Variants in SPATA22 observed in about 807,000 individuals in gnomAD.
SPATA22 encodes the protein spermatogenesis-associated protein 22.
Under a neutral mutation model 47.8 loss-of-function variants are expected in SPATA22, and 29 were observed. The observed-to-expected ratio is 0.61, with a 90% CI of 0.45 to 0.83. The LOEUF is 0.83. SPATA22 is among the 40% of genes least tolerant of loss of function. The pLI, the probability that SPATA22 is intolerant of heterozygous loss-of-function variation, is 0.00. For missense variants in SPATA22, 410 were observed against 421.7 expected (o/e 0.97, Z 0.24); for synonymous variants, 133 against 140.9 (o/e 0.94, Z 0.40).
upstream of SPATA22, among the ~76,000 whole-genome samples, chr17:3,472,740 G>A (rs573592360): frequency 3.7e-4 from 57 of 152,358 alleles, no homozygotes; most frequent in South Asian, 0.012. Flanking sequence ...AGGGCTTAGA[G>A]ATGAAAGGAA....
At position 3,485,487 on chromosome 17, in the gene SPATA22, G is replaced by A. The variant is rs755167386; in HGVS notation, c.-73-16089C>T. On this transcript the variant is annotated intron_variant, in intron 1 of 8. Coordinates refer to the SPATA22 transcript ENST00000541913. The surrounding 1 kb of genome is among the most constrained non-coding windows in gnomAD (Gnocchi z 4.4). ...GAGATCATGCCATTGCACTCCAGCC[G>A]GGGCAACAAAAGTGAAACTCCGTCT... Among the ~76,000 whole-genome samples, 5 of 152,102 alleles carry A rather than the reference G, an allele frequency of 3.3e-5. No individual in the cohort carries two copies. The highest frequency in any genetic ancestry group is 7.4e-5 in the Non-Finnish European group (5 of 68,022).
At chr17:3,452,826 T>C (rs551319023) in intron 5 of SPATA22, among the ~76,000 whole-genome samples, 3 of 152,128 alleles carry the variant, frequency 2.0e-5, no homozygotes, top group African/African-American at 7.2e-5. Context: ...CTTACCAAGA[T>C]TGAATCAAGA....
At chr17:3,474,312 C>G (rs1163422932), upstream of SPATA22, 3 of 152,190 alleles carry the variant, frequency 2.0e-5, no homozygotes, top group South Asian at 6.2e-4. Flanking sequence ...AAACAAGCTT[C>G]AAAATGCAAG....
chr17:3,464,539 G>T (rs1462010282), intron 3 of SPATA22, among the ~76,000 whole-genome samples: 1 of 134,948 alleles, frequency 7.4e-6, no homozygotes, highest in East Asian at 2.1e-4. Context: ...AGTGAGAAGC[G>T]CCTCTTCCCG....
chr17:3,471,198 G>A (rs1192764455), intron 1 of SPATA22, among the ~76,000 whole-genome samples: 3 of 151,998 alleles, frequency 2.0e-5, no homozygotes, highest in South Asian at 2.1e-4. Context: ...AGGGAAGGAA[G>A]GAAGGAAGGG....
chr17:3,499,557 C>G (rs1363994567), intron 1 of SPATA22: 1 of 152,602 alleles, frequency 6.6e-6, no homozygotes, highest in Non-Finnish European at 1.5e-5. Context: ...CTCTGTGTCA[C>G]CCTTTGATAA....
At chr17:3,464,576 A>T (rs2073230041) in intron 3 of SPATA22, among the ~76,000 whole-genome samples, 1 of 138,022 alleles carries the variant, frequency 7.2e-6, no homozygotes. Flanking sequence ...GGAAGTGAGG[A>T]GCGTCTCTGC....
At chr17:3,508,756 G>C (rs566171238) in intron 1 of SPATA22, among the ~76,000 whole-genome samples, 20 of 102,388 alleles carry the variant, frequency 2.0e-4, no homozygotes, top group Non-Finnish European at 2.7e-4. Context: ...GTTGTGGGGT[G>C]GGGGGAGGGG....
chr17:3,451,549 C>T (rs547175227), intron 5 of SPATA22, among the ~76,000 whole-genome samples: 178 of 152,272 alleles, frequency 1.2e-3, no homozygotes, highest in Non-Finnish European at 1.6e-3. Flanking sequence ...GGATAACTCA[C>T]GTTAGGTCAC....
chr17:3,470,761 G>GA (rs11339644), intron 1 of SPATA22, among the ~76,000 whole-genome samples: 35 of 140,312 alleles, frequency 2.5e-4, no homozygotes, highest in African/African-American at 3.8e-4. Flanking sequence ...AAAAAAAAAA[G>GA]AAAAAAAAAC....
chr17:3,492,959 T>G lies in SPATA22; in HGVS notation c.-74+20453A>C, dbSNP rs574142145. ...GAAGCCACTAAATTCTGGGGTAGTA[T>G]GTTATGCAGCAGAAGCTAACTGATA... On this transcript the variant is annotated intron_variant, in intron 1 of 8. Transcript: ENST00000541913. Among the ~76,000 whole-genome samples, 5 of 152,324 alleles carry G rather than the reference T, an allele frequency of 3.3e-5. No individual in the cohort carries two copies. In the East Asian group the frequency reaches 9.6e-4, roughly 29 times the overall value.
At chr17:3,477,864 G>A (rs2073554113) in intron 1 of SPATA22, among the ~76,000 whole-genome samples, 1 of 152,052 alleles carries the variant, frequency 6.6e-6, no homozygotes, top group South Asian at 2.1e-4. Context: ...TACCCCTCAA[G>A]GAGTTGGTAG....
At chr17:3,469,734 A>G (rs1404697518) in intron 1 of SPATA22, among the ~76,000 whole-genome samples, 1 of 152,220 alleles carries the variant, frequency 6.6e-6, no homozygotes, top group Non-Finnish European at 1.5e-5. Context: ...GCAAACGTAC[A>G]TGCTTCCAAG....
At position 3,466,943 on chromosome 17, in the gene SPATA22, A is replaced by G. The variant is rs140552077; in HGVS notation, c.172+483T>C. 2.3e-3 allele frequency among the ~76,000 whole-genome samples: 348 copies of G among 152,332 alleles called. 2 individuals are homozygous for G. Among genetic ancestry groups the G allele is most frequent in the African/African-American group, 7.4e-3 (307 of 41,562 alleles). ...TGGACCATAAACAGCTAACAAATCA[A>G]TGAAGGCAAAAATGCCATAAAAAGA... On this transcript the variant is annotated intron_variant, in intron 3 of 8. Coordinates refer to ENST00000572969, the MANE Select transcript of SPATA22 (RefSeq NM_001170698.2).
At chr17:3,458,971 A>G (rs144778336) in intron 5 of SPATA22, among the ~76,000 whole-genome samples, 219 of 152,268 alleles carry the variant, frequency 1.4e-3, no homozygotes, top group African/African-American at 5.0e-3. Context: ...GACATTAAAA[A>G]GAAGTAAATC....
At chr17:3,450,284 A>C (rs1156951927) in intron 5 of SPATA22, among the ~76,000 whole-genome samples, 1 of 152,230 alleles carries the variant, frequency 6.6e-6, no homozygotes, top group Non-Finnish European at 1.5e-5. Flanking sequence ...ACCAGGAACA[A>C]ATCCAAGTTT....
intron 5 of SPATA22, among the ~76,000 whole-genome samples, chr17:3,449,429 C>A (rs2072806737): frequency 6.6e-6 from 1 of 152,200 alleles, no homozygotes; most frequent in African/African-American, 2.4e-5. Flanking sequence ...TCTCCCAACT[C>A]AGAGTCTAGT....
rs183853604 is a variant in SPATA22 at position 3,506,734 on chromosome 17, G to A, written c.-74+6678C>T. ...GCAGGTGGATCACCTGAGGTCAGGAGTTTGAGACCAGCCTGGCCAACATGG... is the reference window on the plus strand; with the variant it reads ...GCAGGTGGATCACCTGAGGTCAGGAATTTGAGACCAGCCTGGCCAACATGG... On this transcript the variant is annotated intron_variant, in intron 1 of 8. Coordinates refer to the SPATA22 transcript ENST00000541913. 2.2e-4 allele frequency among the ~76,000 whole-genome samples: 33 copies of A among 152,294 alleles called. No individual in the cohort carries two copies. In the East Asian group the frequency reaches 6.0e-3, roughly 28 times the overall value.
At chr17:3,464,486 G>C (rs917271334) in intron 3 of SPATA22, among the ~76,000 whole-genome samples, 1 of 136,918 alleles carries the variant, frequency 7.3e-6, no homozygotes, top group African/African-American at 2.6e-5. Context: ...GCCCAGTCTG[G>C]AAAGTGAGGA....
Sources: gnomAD v4.1 joint callset for allele counts (sites outside exome capture counted in the v4.1 genomes callset) on GRCh38, gnomAD v4.1.1 for gene constraint, Gnocchi (gnomAD v3.1) non-coding constraint, MANE v1.5 for transcripts, NCBI Gene and HGNC (gene_info 2026-07-23, HGNC 2026-07-21) for gene names.